The following PPP1R16B variants were observed in gnomAD, a reference collection of about 807,000 sequenced individuals.
PPP1R16B encodes protein phosphatase 1 regulatory subunit 16B.
In PPP1R16B, 14 loss-of-function variants were observed where a neutral mutation model predicts 61.7. The observed-to-expected ratio is 0.23, with a 90% confidence interval of 0.15 to 0.35. PPP1R16B has a LOEUF of 0.35. Among genes scored for constraint, PPP1R16B ranks in the 10% least tolerant of loss-of-function variants. The pLI is 1.00. For missense variants in PPP1R16B, 547 were observed against 752.5 expected (o/e 0.73, Z 3.19); for synonymous variants, 266 against 305.3 (o/e 0.87, Z 1.34).
At chr20:38,816,629 G>A (rs2084737553) in intron 1 of PPP1R16B, among the ~76,000 whole-genome samples, 1 of 152,156 alleles carries the variant, frequency 6.6e-6, no homozygotes, top group Non-Finnish European at 1.5e-5. Context: ...GTCCTAGATA[G>A]CTCTTCATTC....
intron 2 of PPP1R16B, among the ~76,000 whole-genome samples, chr20:38,860,852 T>A (rs2085044700): frequency 6.6e-6 from 1 of 152,210 alleles, no homozygotes; most frequent in Admixed American, 6.5e-5. Flanking sequence ...CCTTAGCTCA[T>A]AGTTCATACT....
chr20:38,817,720 G>T (rs977447909), intron 1 of PPP1R16B, among the ~76,000 whole-genome samples: 1 of 152,148 alleles, frequency 6.6e-6, no homozygotes, highest in African/African-American at 2.4e-5. Flanking sequence ...TTTGCCAGGT[G>T]GAGAGAAAGA....
rs553277739 is a variant in PPP1R16B, at chr20:38,918,006, G to T, written c.1195-151G>T. On this transcript the variant is annotated intron_variant, in intron 10 of 10. Coordinates refer to ENST00000299824, the MANE Select transcript of PPP1R16B (RefSeq NM_015568.4). This position sits in a 1 kb window ranked among gnomAD's most constrained non-coding sequence, Gnocchi z 5.3. ...ACTGTACGGAAATTCATAGATTGGG[G>T]GTTCCCCAAAGGAAAACCCTGGCCC... 7.3e-6 allele frequency: 8 copies of T among 1,093,724 alleles called. No individual in the cohort carries two copies. The African/African-American group carries it at 7.9e-5, about 11-fold the overall frequency. The allele number at this position is 1,093,724 out of a possible 1,614,324, so 67.8% of individuals were successfully genotyped here.
chr20:38,902,706 C>T lies in PPP1R16B; in HGVS notation c.610C>T (p.Pro204Ser), dbSNP rs576467222. The part of the protein sequence containing the change: ...QEKINEMRVA[P>S]EQQMIADIHC... ...GAAAATCAACGAGATGCGGGTGGCT[C>T]CTGAGCAGCAGATGATTGCGGACAT... is the stretch of plus-strand genomic sequence containing the variant. The change falls in exon 6 of 11, where the codon CCT becomes TCT. Residue 204 changes from proline (P) to serine (S), a missense_variant. Pro to Ser is a moderately conservative substitution (Grantham distance 74, BLOSUM62 -1). Transcript: ENST00000299824. The T allele has an allele frequency of 3.7e-6, 6 of 1,614,238 alleles. No individual in the cohort carries two copies. In the South Asian group the frequency reaches 5.5e-5, roughly 15 times the overall value.
At chr20:38,870,104 A>G (rs2085117967) in intron 2 of PPP1R16B, among the ~76,000 whole-genome samples, 1 of 151,884 alleles carries the variant, frequency 6.6e-6, no homozygotes, top group Non-Finnish European at 1.5e-5. Flanking sequence ...TTGTATTTTT[A>G]GTAGAGATGG....
At chr20:38,863,020 C>T (rs1349386634) in intron 2 of PPP1R16B, among the ~76,000 whole-genome samples, 1 of 152,132 alleles carries the variant, frequency 6.6e-6, no homozygotes, top group Non-Finnish European at 1.5e-5. Context: ...CTACTTAGTT[C>T]CCTGGTGCTT....
intron 1 of PPP1R16B, among the ~76,000 whole-genome samples, chr20:38,813,231 C>T (rs890553776): frequency 1.1e-4 from 17 of 152,238 alleles, no homozygotes; most frequent in African/African-American, 3.9e-4. Context: ...CAAGGAGCAA[C>T]TCAGACAGCC....
chr20:38,843,933 A>C (rs943623378), intron 2 of PPP1R16B, among the ~76,000 whole-genome samples: 1 of 152,214 alleles, frequency 6.6e-6, no homozygotes, highest in Non-Finnish European at 1.5e-5. Context: ...ATGTAGTTGG[A>C]AAAGGGAGGA....
At chr20:38,904,173 T>C (rs1017731374) in intron 6 of PPP1R16B, among the ~76,000 whole-genome samples, 2 of 152,208 alleles carry the variant, frequency 1.3e-5, no homozygotes, top group African/African-American at 4.8e-5. Flanking sequence ...TGGGGTCAGG[T>C]AGGAAGTCTG....
chr20:38,846,236 T>A (rs1467123131), intron 2 of PPP1R16B, among the ~76,000 whole-genome samples: 2 of 152,116 alleles, frequency 1.3e-5, no homozygotes. Context: ...ATATCAGGGA[T>A]GGTTATAATA....
intron 2 of PPP1R16B, among the ~76,000 whole-genome samples, chr20:38,856,168 A>G (rs1297561640): frequency 6.6e-6 from 1 of 151,796 alleles, no homozygotes; most frequent in African/African-American, 2.4e-5. Flanking sequence ...AGAAGCAGGT[A>G]AGGTGATGGG....
rs2085461247 is a variant in PPP1R16B at position 38,908,141 on chromosome 20, C to T, written c.1142C>T (p.Thr381Ile). 2 of 1,614,128 alleles carry T rather than the reference C, an allele frequency of 1.2e-6. No individual in the cohort carries two copies. Among genetic ancestry groups the T allele is most frequent in the Non-Finnish European group, 1.7e-6 (2 of 1,180,050 alleles). The stretch of plus-strand genomic sequence containing the variant: ...GCAGCTGAGGATCAGCGGACCTCCA[C>T]CTACAACGGGGACATCAGGGAGACC... ...RSAAEDQRTSTYNGDIRETRT... is the reference protein window; with the variant it reads ...RSAAEDQRTSIYNGDIRETRT... The change falls in exon 10 of 11, where the codon ACC becomes ATC. Residue 381 changes from threonine to isoleucine, a missense_variant. Coordinates refer to ENST00000299824, the MANE Select transcript of PPP1R16B (RefSeq NM_015568.4).
chr20:38,875,722 G>A (rs963859301), intron 2 of PPP1R16B, among the ~76,000 whole-genome samples: 1 of 152,012 alleles, frequency 6.6e-6, no homozygotes, highest in African/African-American at 2.4e-5. Context: ...GCTGCTTTCA[G>A]AGGGGAGAGG....
chr20:38,904,874 C>A (rs771961689), intron 6 of PPP1R16B, among the ~76,000 whole-genome samples: 10 of 152,208 alleles, frequency 6.6e-5, no homozygotes, highest in African/African-American at 1.4e-4. Context: ...CTTGGCTGGG[C>A]AGTTGATGTC....
Position 38,895,766 on chromosome 20 carries a change from ACTTCCTTCTTTCTCTCCTCCCTCCCTC to A in PPP1R16B, c.467+79_467+105del, listed in dbSNP as rs1288719225. Reference sequence around the variant, plus strand: ...TCCCTCCACCTCTTGTCTTTTTCCAACTTCCTTCTTTCTCTCCTCCCTCCCTCCTTCCTTCTTTCTCTCCTCCCTTCC... The same window carrying A: ...TCCCTCCACCTCTTGTCTTTTTCCAACTTCCTTCTTTCTCTCCTCCCTTCC... On this transcript the variant is annotated intron_variant, in intron 4 of 10. Transcript: ENST00000299824. 1.8e-3 allele frequency: 2,285 copies of A among 1,262,432 alleles called. 69 individuals are homozygous for A. Among genetic ancestry groups the A allele is most frequent in the East Asian group, 0.011 (360 of 31,956 alleles). The allele number at this position is 1,262,432 out of a possible 1,614,324, so 78.2% of individuals were successfully genotyped here. A position where few individuals can be genotyped will look rare whatever the true frequency, so the allele number is the denominator to read the frequency against.
chr20:38,880,992 G>A (rs2085199770), intron 2 of PPP1R16B, among the ~76,000 whole-genome samples: 1 of 152,166 alleles, frequency 6.6e-6, no homozygotes, highest in Non-Finnish European at 1.5e-5. Flanking sequence ...TCCTCTTCTT[G>A]AATGGGCCAA....
intron 2 of PPP1R16B, among the ~76,000 whole-genome samples, chr20:38,886,377 A>C (rs1052761576): frequency 3.3e-5 from 5 of 152,180 alleles, no homozygotes; most frequent in Non-Finnish European, 7.3e-5. Flanking sequence ...TACTGTGCAC[A>C]AACACTGCTT....
At chr20:38,885,628 C>T (rs1243975184) in intron 2 of PPP1R16B, among the ~76,000 whole-genome samples, 1 of 152,150 alleles carries the variant, frequency 6.6e-6, no homozygotes, top group Non-Finnish European at 1.5e-5. Flanking sequence ...CTTAATTTGG[C>T]CACATGTGAC....
chr20:38,864,769 G>A (rs757042650), intron 2 of PPP1R16B, among the ~76,000 whole-genome samples: 4 of 152,146 alleles, frequency 2.6e-5, no homozygotes, highest in Non-Finnish European at 5.9e-5. Context: ...TAGGGCCTAG[G>A]TACCAGCAGA....
Sources: allele counts gnomAD v4.1 joint callset (sites outside exome capture counted in the v4.1 genomes callset), GRCh38; gene constraint gnomAD v4.1.1; non-coding constraint Gnocchi (gnomAD v3.1); transcripts MANE v1.5; gene names NCBI Gene and HGNC (gene_info 2026-07-23, HGNC 2026-07-21).